Variants in ZEB1 observed in about 807,000 individuals in gnomAD.
ZEB1 encodes the protein zinc finger E-box binding homeobox 1, also known as zinc finger E-box-binding homeobox 1.
ZEB1 carries 21 observed loss-of-function variants against 84.9 expected under a neutral mutation model. The ratio of observed to expected loss-of-function variants is 0.25; its 90% CI spans 0.18 to 0.36. ZEB1 has a LOEUF of 0.36. Ranked by LOEUF, ZEB1 falls within the 10% of genes least tolerant of loss-of-function variation. The probability of loss-of-function intolerance (pLI) is 1.00; values close to 1 mark genes in which losing one functional copy is unlikely to be tolerated. For missense variants in ZEB1, 1,104 were observed against 1,330.2 expected, an observed-to-expected ratio of 0.83 and a Z score of 2.65; for synonymous variants, 420 against 471.1, an observed-to-expected ratio of 0.89 and a Z score of 1.41.
At chr10:31,433,086 T>C (rs1024617875) in intron 1 of ZEB1, among the ~76,000 whole-genome samples, 4 of 152,212 alleles carry the variant, frequency 2.6e-5, no homozygotes, top group African/African-American at 9.6e-5. Flanking sequence ...ATGTAAAATA[T>C]AAAACCATAT....
chr10:31,439,968 G>C (rs1314653392), intron 1 of ZEB1, among the ~76,000 whole-genome samples: 1 of 152,138 alleles, frequency 6.6e-6, no homozygotes, highest in Non-Finnish European at 1.5e-5. Flanking sequence ...CTGACTACAG[G>C]AAGACAAAGG....
At chr10:31,345,565 T>C (rs1393780319) in intron 1 of ZEB1, among the ~76,000 whole-genome samples, 3 of 152,094 alleles carry the variant, frequency 2.0e-5, no homozygotes, top group Non-Finnish European at 4.4e-5. Context: ...CTAACACCTT[T>C]TATGGGAGAT....
intron 1 of ZEB1, among the ~76,000 whole-genome samples, chr10:31,370,888 A>C (rs1272769248): frequency 1.3e-5 from 2 of 152,008 alleles, no homozygotes; most frequent in Non-Finnish European, 2.9e-5. Flanking sequence ...GACTGTTTTT[A>C]AAAAAATTTT....
chr10:31,350,677 A>T (rs980259401), intron 1 of ZEB1, among the ~76,000 whole-genome samples: 4 of 152,198 alleles, frequency 2.6e-5, no homozygotes, highest in Admixed American at 2.6e-4. Flanking sequence ...ATAACAAAAA[A>T]TGAGTAGTTT....
rs202060047 is a variant in ZEB1 at position 31,499,623 on chromosome 10, G to A, written c.323-2725G>A. 2.0e-5 allele frequency among the ~76,000 whole-genome samples: 3 copies of A among 152,140 alleles called. No homozygotes were observed. In the East Asian group the frequency reaches 5.8e-4, roughly 29 times the overall value. ...ATATTTAAAATACAAAAGTTAACCA[G>A]GCATGGTGATGCACGCTTGTAATCC... On this transcript the variant is annotated intron_variant, in intron 3 of 8. Coordinates refer to ENST00000424869, the MANE Select transcript of ZEB1 (RefSeq NM_001174096.2).
intron 4 of ZEB1, among the ~76,000 whole-genome samples, chr10:31,503,202 G>T (rs1349916495): frequency 6.6e-6 from 1 of 152,030 alleles, no homozygotes; most frequent in Non-Finnish European, 1.5e-5. Context: ...CCATTATGTA[G>T]TTCTAATAAA....
At chr10:31,381,563 G>C (rs1221449452) in intron 1 of ZEB1, among the ~76,000 whole-genome samples, 1 of 152,106 alleles carries the variant, frequency 6.6e-6, no homozygotes, top group Non-Finnish European at 1.5e-5. Context: ...AATTTCTAGT[G>C]ATTTATTTTA....
intron 2 of ZEB1, among the ~76,000 whole-genome samples, chr10:31,486,787 T>C (rs112247586): frequency 6.6e-6 from 1 of 151,666 alleles, no homozygotes; most frequent in African/African-American, 2.4e-5. Flanking sequence ...AATTGAGATT[T>C]AGTTTATCAC....
rs2073709339 is a variant in ZEB1, at chr10:31,527,444, CACACACACAA to C, written c.*182_*191del. On this transcript the variant is annotated 3_prime_UTR_variant, in exon 9 of 9. Transcript: ENST00000424869. Reference sequence around the variant, plus strand: ...ACACACACACACACACACACACACACACACACACAAAATAAATCCGGGTGTGCCTGAACCT... The same window carrying C: ...ACACACACACACACACACACACACACAATAAATCCGGGTGTGCCTGAACCT... 4.1e-6 allele frequency: 3 copies of C among 728,398 alleles called. No individual in the cohort carries two copies. Among genetic ancestry groups the C allele is most frequent in the South Asian group, 3.9e-5 (2 of 51,122 alleles). The allele number at this position is 728,398 out of a possible 1,614,324, so 45.1% of individuals were successfully genotyped here. A position where few individuals can be genotyped will look rare whatever the true frequency, so the allele number is the denominator to read the frequency against.
intron 1 of ZEB1, among the ~76,000 whole-genome samples, chr10:31,331,077 CTTTCTTT>C (rs2036645188): frequency 1.1e-5 from 1 of 89,064 alleles, no homozygotes; most frequent in African/African-American, 5.4e-5. Context: ...TTTTTTCTTT[CTTTCTTT>C]TTTTTTTTTT....
intron 1 of ZEB1, chr10:31,358,296 T>C (rs1364675195): frequency 6.6e-6 from 1 of 152,144 alleles, no homozygotes; most frequent in Non-Finnish European, 1.5e-5. Context: ...TATTACGTTT[T>C]TTACTTATGT....
intron 2 of ZEB1, among the ~76,000 whole-genome samples, chr10:31,469,052 A>G (rs925008128): frequency 6.6e-6 from 1 of 152,250 alleles, no homozygotes; most frequent in Non-Finnish European, 1.5e-5. Context: ...GATGAAAGAC[A>G]ACATAGATAT....
At chr10:31,393,494 AT>A (rs1436691394) in intron 1 of ZEB1, among the ~76,000 whole-genome samples, 179 of 152,264 alleles carry the variant, frequency 1.2e-3, no homozygotes, top group African/African-American at 4.1e-3. Flanking sequence ...TCTTAGGAAT[AT>A]TTGCAAATAT....
intron 1 of ZEB1, among the ~76,000 whole-genome samples, chr10:31,410,827 T>C (rs2135768365): frequency 6.6e-6 from 1 of 152,338 alleles, no homozygotes; most frequent in African/African-American, 2.4e-5. Flanking sequence ...TGGTAGTTTG[T>C]ATTTCTGTGG....
At chr10:31,431,113 G>A (rs1313192587) in intron 1 of ZEB1, among the ~76,000 whole-genome samples, 2 of 152,144 alleles carry the variant, frequency 1.3e-5, no homozygotes, top group African/African-American at 2.4e-5. Flanking sequence ...AACTATTGGG[G>A]TATGTGGAGG....
chr10:31,448,787 C>T (rs968686435), intron 1 of ZEB1, among the ~76,000 whole-genome samples: 15 of 152,248 alleles, frequency 9.9e-5, no homozygotes, highest in Admixed American at 1.3e-4. Context: ...TCTCCAGCTG[C>T]GTACTGGGAG....
intron 1 of ZEB1, among the ~76,000 whole-genome samples, chr10:31,454,192 T>C (rs1160738352): frequency 6.6e-6 from 1 of 152,182 alleles, no homozygotes; most frequent in Non-Finnish European, 1.5e-5. Context: ...AGAAAAAGCC[T>C]TTGATAAAAT....
chr10:31,345,927 A>G (rs2133730885), intron 1 of ZEB1, among the ~76,000 whole-genome samples: 1 of 152,332 alleles, frequency 6.6e-6, no homozygotes, highest in Non-Finnish European at 1.5e-5. Flanking sequence ...AGAGAAAATG[A>G]AATATAGATT....
rs72639503 is a variant in ZEB1 at position 31,367,543 on chromosome 10, G to A, written c.58+48251G>A. ...TCACAGCAAGCCTATGTGGTAATAC[G>A]CTATTATCTTCATTATACAAATGGA... On this transcript the variant is annotated intron_variant, in intron 1 of 8. Transcript: ENST00000424869. Among the ~76,000 whole-genome samples, 1,960 of 152,238 alleles carry A rather than the reference G, an allele frequency of 0.013. 113 individuals carry two copies. In the East Asian group the frequency reaches 0.18, roughly 14 times the overall value.
Sources: gnomAD v4.1 joint callset for allele counts (sites outside exome capture counted in the v4.1 genomes callset) on GRCh38, gnomAD v4.1.1 for gene constraint, MANE v1.5 for transcripts, NCBI Gene and HGNC (gene_info 2026-07-23, HGNC 2026-07-21) for gene names.